Variants in HNRNPC observed in about 807,000 individuals in gnomAD.
HNRNPC encodes heterogeneous nuclear ribonucleoproteins C1/C2.
Under a neutral mutation model 33.2 loss-of-function variants are expected in HNRNPC, and 3 were observed. The ratio of observed to expected loss-of-function variants is 0.09; its 90% CI spans 0.04 to 0.23. HNRNPC has a LOEUF of 0.23. Ranked by LOEUF, HNRNPC falls within the 10% of genes least tolerant of loss-of-function variation. HNRNPC has a pLI of 1.00. For synonymous variants in HNRNPC, 121 were observed against 126.7 expected, an observed-to-expected ratio of 0.96 and a Z score of 0.30; for missense variants, 143 against 366.7, an observed-to-expected ratio of 0.39 and a Z score of 4.98.
intron 2 of HNRNPC, chr14:21,234,948 G>A (rs1353414334): frequency 6.8e-6 from 1 of 147,284 alleles, no homozygotes; most frequent in Admixed American, 6.8e-5. Context: ...TAAAATATAG[G>A]ACATTTAATA....
Position 21,260,887 on chromosome 14 carries a change from C to T in HNRNPC, c.-37+2424G>A, listed in dbSNP as rs140794177. ...CTGAGGCAGGAGAATCGCTTGAACC[C>T]GGGAGGTGGAGGTTGCAGTGACCCA... On this transcript the variant is annotated intron_variant, in intron 2 of 8. Coordinates refer to ENST00000553300, the MANE Select transcript of HNRNPC (RefSeq NM_004500.4). 8.2e-3 allele frequency among the ~76,000 whole-genome samples: 1,229 copies of T among 149,572 alleles called. 19 individuals are homozygous for T. Among genetic ancestry groups the T allele is most frequent in the African/African-American group, 0.029 (1,172 of 40,540 alleles).
chr14:21,215,375 A>T (rs1566595378), intron 5 of HNRNPC, among the ~76,000 whole-genome samples: 1 of 152,210 alleles, frequency 6.6e-6, no homozygotes, highest in Non-Finnish European at 1.5e-5. Context: ...CCAGCTAAAA[A>T]TTAAGCGGAA....
rs71112561 is a variant in HNRNPC at position 21,253,461 on chromosome 14, CAAAAAAAAAAAA to C, written c.-37+9838_-37+9849del. Among the ~76,000 whole-genome samples, 18 of 77,254 alleles carry C rather than the reference CAAAAAAAAAAAA, an allele frequency of 2.3e-4. No individual in the cohort carries two copies. The East Asian group carries it at 7.8e-3, about 33-fold the overall frequency. 50.7% of individuals were successfully genotyped at this position (77,254 alleles called of 152,430 possible). On this transcript the variant is annotated intron_variant, in intron 2 of 8. Transcript: ENST00000553300. ...GCACTCCAACCTCTAGACTCCATCT[CAAAAAAAAAAAA>C]AAAAAAAAAAAAGATAGCACCAAAG...
chr14:21,241,106 T>A (rs1221085167), intron 2 of HNRNPC, among the ~76,000 whole-genome samples: 4 of 151,792 alleles, frequency 2.6e-5, no homozygotes, highest in African/African-American at 9.7e-5. Flanking sequence ...CTGTCTCTAC[T>A]AAAGACAAAA....
In HNRNPC at chr14:21,218,704, A is replaced by AAAAAAAAAAAAC. The variant is rs1225752731; in HGVS notation, c.366-5588_366-5587insGTTTTTTTTTTT. Among the ~76,000 whole-genome samples the AAAAAAAAAAAAC allele has an allele frequency of 5.8e-5, 8 of 136,876 alleles. 1 individual carries two copies. The highest frequency in any genetic ancestry group is 1.9e-4 in the African/African-American group (7 of 36,252). 89.8% of individuals were successfully genotyped at this position (136,876 alleles called of 152,430 possible). On this transcript the variant is annotated intron_variant, in intron 5 of 8. Coordinates refer to ENST00000553300, the MANE Select transcript of HNRNPC (RefSeq NM_004500.4). The stretch of plus-strand genomic sequence containing the variant: ...CTCAAAAAAAAAAAAAAAAAAAAAA[A>AAAAAAAAAAAAC]AAAACTGAAATTGAGTCACATGCAG...
Position 21,230,358 on chromosome 14 carries a change from A to G in HNRNPC, c.326T>C (p.Phe109Ser). 1 of 1,609,396 alleles carries G rather than the reference A, an allele frequency of 6.2e-7. No homozygotes were observed. Among genetic ancestry groups the G allele is most frequent in the Non-Finnish European group, 8.5e-7 (1 of 1,176,050 alleles). The change falls in exon 5 of 9, where the codon TTT becomes TCT. Residue 109 changes from phenylalanine (F) to serine (S), a missense_variant. This residue lies in a region of HNRNPC where 131 missense variants were observed against 253.0 expected (regional missense o/e 0.52). Coordinates refer to ENST00000553300, the MANE Select transcript of HNRNPC (RefSeq NM_004500.4). ...CCGTTGAAAGTCATAGTCCAAGTCA[A>G]AAGAGGAGCTGAAAAATAAATACCG... ...RSAAEMYGSSFDLDYDFQRDY... is the reference protein window; with the variant it reads ...RSAAEMYGSSSDLDYDFQRDY...
At chr14:21,220,696 G>A (rs1892731651) in intron 5 of HNRNPC, among the ~76,000 whole-genome samples, 2 of 152,090 alleles carry the variant, frequency 1.3e-5, no homozygotes, top group Non-Finnish European at 1.5e-5. Context: ...CTATGTAATA[G>A]CTGAAAAGCC....
chr14:21,260,342 G>C (rs1324485939), intron 2 of HNRNPC, among the ~76,000 whole-genome samples: 2 of 142,636 alleles, frequency 1.4e-5, no homozygotes, highest in South Asian at 2.2e-4. Context: ...CTCCAGTCTA[G>C]GTGACAGAGC....
At chr14:21,258,748 T>C (rs1424000165) in intron 2 of HNRNPC, among the ~76,000 whole-genome samples, 1 of 152,204 alleles carries the variant, frequency 6.6e-6, no homozygotes, top group Non-Finnish European at 1.5e-5. Context: ...TAATTAGTAA[T>C]TTCCTGGAGC....
chr14:21,215,901 A>C (rs1463858136), intron 5 of HNRNPC, among the ~76,000 whole-genome samples: 1 of 149,388 alleles, frequency 6.7e-6, no homozygotes, highest in Non-Finnish European at 1.5e-5. Context: ...TCCGTCTTAA[A>C]AAAAAAAAAA....
At chr14:21,230,684 T>A (rs544856962) in intron 4 of HNRNPC, 2 of 480,684 alleles carry the variant, frequency 4.2e-6, no homozygotes, top group East Asian at 6.6e-5. Context: ...TACTCTCTAG[T>A]GTCTTAGAAG....
intron 2 of HNRNPC, among the ~76,000 whole-genome samples, chr14:21,246,207 T>C (rs1187563338): frequency 2.0e-5 from 3 of 152,174 alleles, no homozygotes; most frequent in African/African-American, 4.8e-5. Flanking sequence ...CTCTATATTT[T>C]TCTTTGACAA....
chr14:21,218,513 C>G (rs751255148), intron 5 of HNRNPC, among the ~76,000 whole-genome samples: 5 of 149,820 alleles, frequency 3.3e-5, no homozygotes, highest in Non-Finnish European at 7.4e-5. Context: ...ATGGTGAAAC[C>G]CGGTTTCTAC....
chr14:21,231,187 T>C lies in HNRNPC; in HGVS notation c.242-115A>G. Reference sequence around the variant, plus strand: ...TTTCGCTTTCTCGCTCAGGCTGGAGTGCAGTGGTGTCACCTTGGCTCACTG... The same window carrying C: ...TTTCGCTTTCTCGCTCAGGCTGGAGCGCAGTGGTGTCACCTTGGCTCACTG... On this transcript the variant is annotated intron_variant, in intron 3 of 8. Coordinates refer to ENST00000553300, the MANE Select transcript of HNRNPC (RefSeq NM_004500.4). 3 of 992,014 alleles carry C rather than the reference T, an allele frequency of 3.0e-6. No individual in the cohort carries two copies. In the South Asian group the frequency reaches 4.4e-5, roughly 15 times the overall value. The allele number at this position is 992,014 out of a possible 1,614,324, so 61.5% of individuals were successfully genotyped here. A position where few individuals can be genotyped will look rare whatever the true frequency, so the allele number is the denominator to read the frequency against.
intron 2 of HNRNPC, among the ~76,000 whole-genome samples, chr14:21,253,129 G>C (rs991070189): frequency 6.8e-6 from 1 of 146,240 alleles, no homozygotes; most frequent in East Asian, 2.0e-4. Context: ...AGCCGGGATC[G>C]CACCACTGCA....
In HNRNPC at chr14:21,210,485, G is replaced by A. The variant is rs1891484032; in HGVS notation, c.*738C>T. 1 of 152,250 alleles carries A rather than the reference G, an allele frequency of 6.6e-6. No homozygotes were observed. Among genetic ancestry groups the A allele is most frequent in the South Asian group, 2.1e-4 (1 of 4,804 alleles). The allele number at this position is 152,250 out of a possible 1,614,324, so 9.4% of individuals were successfully genotyped here. A position where few individuals can be genotyped will look rare whatever the true frequency, so the allele number is the denominator to read the frequency against. ...TAGTGCATTCTAGAGGTTTTGTGGA[G>A]GACGCTGTAAAACAAAGTTTGAAGT... On this transcript the variant is annotated 3_prime_UTR_variant, in exon 9 of 9. Transcript: ENST00000553300.
intron 2 of HNRNPC, among the ~76,000 whole-genome samples, chr14:21,247,045 A>G (rs1488284118): frequency 6.6e-6 from 1 of 152,204 alleles, no homozygotes; most frequent in East Asian, 1.9e-4. Context: ...GTTTTTGGAG[A>G]GTTCAAAGTA....
intron 2 of HNRNPC, among the ~76,000 whole-genome samples, chr14:21,239,185 A>G (rs753425377): frequency 1.3e-5 from 2 of 152,236 alleles, no homozygotes; most frequent in African/African-American, 2.4e-5. Context: ...TCAGAAGGTT[A>G]AATACTTCAA....
intron 5 of HNRNPC, among the ~76,000 whole-genome samples, chr14:21,229,186 C>T (rs565944886): frequency 2.6e-5 from 4 of 151,302 alleles, no homozygotes; most frequent in East Asian, 1.9e-4. Context: ...GTCAGGAGAT[C>T]GAGATCATCC....
Sources: allele counts gnomAD v4.1 joint callset (sites outside exome capture counted in the v4.1 genomes callset), GRCh38; gene constraint gnomAD v4.1.1; regional missense constraint gnomAD v4.1.1; transcripts MANE v1.5; gene names NCBI Gene and HGNC (gene_info 2026-07-23, HGNC 2026-07-21).